DNM3: variants seen among roughly 807,000 people sequenced by gnomAD.
The protein encoded by DNM3 is dynamin 3, also known as dynamin-3.
A neutral mutation model predicts 101.6 loss-of-function variants in DNM3; 47 were observed. The observed-to-expected ratio is 0.46, with a 90% CI of 0.37 to 0.59. DNM3 has a LOEUF of 0.59. DNM3 is among the 20% of genes least tolerant of loss of function. The probability of loss-of-function intolerance (pLI) is 0.00; values close to 1 mark genes in which losing one functional copy is unlikely to be tolerated. For synonymous variants in DNM3, 385 were observed against 387.9 expected, an observed-to-expected ratio of 0.99 and a Z score of 0.09; for missense variants, 849 against 1,085.7, an observed-to-expected ratio of 0.78 and a Z score of 3.06.
At chr1:171,890,816 A>G (rs913255141) in intron 1 of DNM3, among the ~76,000 whole-genome samples, 2 of 152,186 alleles carry the variant, frequency 1.3e-5, no homozygotes, top group African/African-American at 4.8e-5. Context: ...CAAAACAAAC[A>G]AACAAAGAAC....
intron 14 of DNM3, among the ~76,000 whole-genome samples, chr1:172,210,481 T>C (rs1345415346): frequency 1.3e-5 from 2 of 151,924 alleles, no homozygotes; most frequent in African/African-American, 4.8e-5. Context: ...ACAATGTTTC[T>C]AACACCAGGA....
At chr1:172,008,127 T>C (rs1054311671) in intron 4 of DNM3, among the ~76,000 whole-genome samples, 13 of 126,328 alleles carry the variant, frequency 1.0e-4, no homozygotes, top group African/African-American at 5.9e-4. Flanking sequence ...ATGCACAGTT[T>C]GCAAATTTTT....
chr1:172,039,753 C>T (rs953931485), intron 7 of DNM3, among the ~76,000 whole-genome samples: 62 of 152,012 alleles, frequency 4.1e-4, no homozygotes, highest in African/African-American at 1.4e-3. Flanking sequence ...TTTCTTTTCT[C>T]TCTTCTATCC....
At chr1:172,383,422 G>A (rs2069023324) in intron 18 of DNM3, among the ~76,000 whole-genome samples, 3 of 152,134 alleles carry the variant, frequency 2.0e-5, no homozygotes, top group Admixed American at 1.3e-4. Flanking sequence ...TGAGAGAATT[G>A]TGAGATCTCA....
rs533099814 is a variant in DNM3 at position 172,281,476 on chromosome 1, A to G, written c.1770-27252A>G. ...CACCCCCATTTTCCCCAACATAAGCATTCTTGAGCCATATGGAGCTCTAAT... is the reference window on the plus strand; with the variant it reads ...CACCCCCATTTTCCCCAACATAAGCGTTCTTGAGCCATATGGAGCTCTAAT... On this transcript the variant is annotated intron_variant, in intron 15 of 20. Transcript: ENST00000627582. Among the ~76,000 whole-genome samples, 141 of 152,270 alleles carry G rather than the reference A, an allele frequency of 9.3e-4. No individual in the cohort carries two copies. In the Middle Eastern group the frequency reaches 0.01, roughly 11 times the overall value.
At chr1:172,306,160 A>G (rs1335462046) in intron 15 of DNM3, among the ~76,000 whole-genome samples, 3 of 152,220 alleles carry the variant, frequency 2.0e-5, no homozygotes, top group Non-Finnish European at 4.4e-5. Context: ...AATCTCCTTA[A>G]GCTGATAAGC....
chr1:172,323,215 C>A (rs1482358922), intron 16 of DNM3, 114 bp from the exon 17 acceptor site: 3 of 1,130,282 alleles, frequency 2.7e-6, no homozygotes, highest in Non-Finnish European at 3.7e-6. Context: ...CAAGAAAAAC[C>A]TCATTTTATT....
intron 2 of DNM3, among the ~76,000 whole-genome samples, chr1:171,954,326 G>C (rs1233642208): frequency 2.0e-5 from 3 of 152,062 alleles, no homozygotes; most frequent in African/African-American, 7.2e-5. Flanking sequence ...TTTCCAATTT[G>C]GTTGCAGTTT....
intron 13 of DNM3, among the ~76,000 whole-genome samples, chr1:172,125,034 A>G (rs2056545074): frequency 1.3e-5 from 2 of 152,166 alleles, no homozygotes; most frequent in South Asian, 2.1e-4. Flanking sequence ...TGGACTGTCC[A>G]TTGCCTTCGA....
chr1:172,271,147 A>T (rs1425003307), intron 15 of DNM3, among the ~76,000 whole-genome samples: 1 of 152,146 alleles, frequency 6.6e-6, no homozygotes, highest in Admixed American at 6.6e-5. Flanking sequence ...TGTGTGGATT[A>T]TATCAGGAAT....
intron 10 of DNM3, among the ~76,000 whole-genome samples, chr1:172,058,237 T>A (rs1340356864): frequency 4.0e-5 from 6 of 151,744 alleles, no homozygotes; most frequent in African/African-American, 7.3e-5. Flanking sequence ...CTCCCACACG[T>A]TAATAATGGG....
intron 12 of DNM3, among the ~76,000 whole-genome samples, chr1:172,084,623 A>G (rs1233270354): frequency 1.3e-5 from 2 of 152,198 alleles, no homozygotes; most frequent in South Asian, 2.1e-4. Context: ...TTAAAAAAAT[A>G]TGGTTGTAGC....
chr1:172,374,695 C>A lies in DNM3; in HGVS notation c.1894-4323C>A, dbSNP rs7524141. Among the ~76,000 whole-genome samples the A allele has an allele frequency of 2.0e-5, 3 of 152,062 alleles. No individual in the cohort carries two copies. In the East Asian group the frequency reaches 5.8e-4, roughly 29 times the overall value. ...TATTTTGCTATGTAGTTTATTATGA[C>A]GGCCCATGCTGCTTTCATATTATTT... is the stretch of plus-strand genomic sequence containing the variant. On this transcript the variant is annotated intron_variant, in intron 17 of 20. Coordinates refer to ENST00000627582, the MANE Select transcript of DNM3 (RefSeq NM_015569.5).
At chr1:172,119,087 G>A (rs1218480655) in intron 13 of DNM3, among the ~76,000 whole-genome samples, 1 of 151,892 alleles carries the variant, frequency 6.6e-6, no homozygotes, top group African/African-American at 2.4e-5. Flanking sequence ...CCGCCTCCCG[G>A]GTTCAAGCGA....
chr1:172,292,490 T>C (rs1329011406), intron 15 of DNM3, among the ~76,000 whole-genome samples: 4 of 152,054 alleles, frequency 2.6e-5, no homozygotes, highest in Non-Finnish European at 5.9e-5. Flanking sequence ...CCTTTTAAAA[T>C]AGAACAAATG....
intron 14 of DNM3, among the ~76,000 whole-genome samples, chr1:172,165,920 C>CT (rs1219792567): frequency 2.0e-5 from 3 of 152,028 alleles, no homozygotes; most frequent in Middle Eastern, 3.4e-3. Context: ...TATCAATTAT[C>CT]TTTTTTGTGC....
intron 14 of DNM3, among the ~76,000 whole-genome samples, chr1:172,182,179 A>G (rs1572858286): frequency 6.6e-6 from 1 of 151,122 alleles, no homozygotes; most frequent in Non-Finnish European, 1.5e-5. Flanking sequence ...ACAACATTTT[A>G]TAGTTTTTTT....
At chr1:172,032,880 G>A (rs1188061524) in intron 5 of DNM3, among the ~76,000 whole-genome samples, 2 of 152,118 alleles carry the variant, frequency 1.3e-5, no homozygotes, top group Non-Finnish European at 2.9e-5. Context: ...TACACAGTTT[G>A]AGGGTGAGAG....
At chr1:171,867,090 A>C (rs1020017271) in intron 1 of DNM3, among the ~76,000 whole-genome samples, 22 of 152,262 alleles carry the variant, frequency 1.4e-4, no homozygotes, top group African/African-American at 5.1e-4. Context: ...TGAAGTCAGC[A>C]GGAACTCCAC....
Sources: gnomAD v4.1 joint callset for allele counts (sites outside exome capture counted in the v4.1 genomes callset) on GRCh38, gnomAD v4.1.1 for gene constraint, MANE v1.5 for transcripts, NCBI Gene and HGNC (gene_info 2026-07-23, HGNC 2026-07-21) for gene names.